The following CNTN5 variants were observed in gnomAD, a reference collection of about 807,000 sequenced individuals.
The protein encoded by CNTN5 is contactin-5.
In CNTN5, 77 loss-of-function variants were observed where a neutral mutation model predicts 129.1. That is an observed-to-expected ratio of 0.60 (90% CI 0.50 to 0.72). The LOEUF (loss-of-function observed/expected upper bound fraction) is 0.72. Among genes scored for constraint, CNTN5 ranks in the 30% least tolerant of loss-of-function variants. The pLI, the probability that CNTN5 is intolerant of heterozygous loss-of-function variation, is 0.00. For missense variants in CNTN5, 1,478 were observed against 1,328.8 expected, an observed-to-expected ratio of 1.11 and a Z score of -1.75; for synonymous variants, 509 against 465.6, an observed-to-expected ratio of 1.09 and a Z score of -1.20.
intron 2 of CNTN5, among the ~76,000 whole-genome samples, chr11:99,475,492 T>C (rs1338471710): frequency 6.6e-6 from 1 of 152,314 alleles, no homozygotes; most frequent in South Asian, 2.1e-4. Flanking sequence ...AATAAATAGC[T>C]GCAGAGTACT....
chr11:99,617,121 TAACAAA>T (rs67115890), intron 3 of CNTN5, among the ~76,000 whole-genome samples: 20,743 of 151,920 alleles, frequency 0.14, 1,461 homozygotes, highest in Non-Finnish European at 0.17. Context: ...AAACAAAACG[TAACAAA>T]AACAAAAACA....
At chr11:99,759,300 G>T (rs1409316310) in intron 3 of CNTN5, among the ~76,000 whole-genome samples, 8 of 151,984 alleles carry the variant, frequency 5.3e-5, no homozygotes, top group African/African-American at 1.9e-4. Flanking sequence ...AAATTCAGGT[G>T]ATAGATTTAC....
chr11:99,309,564 G>T (rs1865018879), intron 1 of CNTN5, among the ~76,000 whole-genome samples: 1 of 152,110 alleles, frequency 6.6e-6, no homozygotes, highest in African/African-American at 2.4e-5. Context: ...ATTGTCCAAG[G>T]ATCTAAGAAA....
intron 9 of CNTN5, among the ~76,000 whole-genome samples, chr11:100,045,006 C>T (rs142120995): frequency 1.3e-5 from 2 of 152,072 alleles, no homozygotes; most frequent in East Asian, 1.9e-4. Flanking sequence ...TTTTCTCAGG[C>T]CATCAAAATG....
intron 1 of CNTN5, among the ~76,000 whole-genome samples, chr11:99,299,381 A>G (rs115846670): frequency 0.011 from 1,672 of 152,318 alleles, 42 homozygotes; most frequent in African/African-American, 0.038. Flanking sequence ...TAAAAATTAT[A>G]AAGTTGGCAA....
At chr11:99,395,806 T>TC (rs1941491794) in intron 2 of CNTN5, among the ~76,000 whole-genome samples, 1 of 152,014 alleles carries the variant, frequency 6.6e-6, no homozygotes. Flanking sequence ...GGTAGTCTTT[T>TC]CCCCATTGCT....
At position 99,689,584 on chromosome 11, in the gene CNTN5, ATCTGTTACT is replaced by A. The variant is rs553289089; in HGVS notation, c.56-129958_56-129950del. ...CCTTTCTCTCCACAACCTCAGCAGC[ATCTGTTACT>A]TTTTTTTGACATTTTAATAATCACC... is the stretch of plus-strand genomic sequence containing the variant. On this transcript the variant is annotated intron_variant, in intron 3 of 24. Coordinates refer to ENST00000524871, the MANE Select transcript of CNTN5 (RefSeq NM_014361.4). Among the ~76,000 whole-genome samples, 291 of 148,880 alleles carry A rather than the reference ATCTGTTACT, an allele frequency of 2.0e-3. 1 individual carries two copies. The highest frequency in any genetic ancestry group is 6.5e-3 in the African/African-American group (267 of 40,772).
At chr11:99,974,530 C>G (rs1462568712) in intron 8 of CNTN5, among the ~76,000 whole-genome samples, 2 of 152,122 alleles carry the variant, frequency 1.3e-5, no homozygotes, top group Non-Finnish European at 2.9e-5. Context: ...TAGTTCCTGC[C>G]CAGTTTCATT....
At chr11:99,595,356 TAAAAAA>T (rs1950094483) in intron 3 of CNTN5, among the ~76,000 whole-genome samples, 3 of 151,994 alleles carry the variant, frequency 2.0e-5, no homozygotes. Flanking sequence ...AATTATATAT[TAAAAAA>T]TAAAATAAGG....
Position 100,002,084 on chromosome 11 carries a change from G to C in CNTN5, c.928G>C (p.Val310Leu). The C allele has an allele frequency of 1.3e-6, 2 of 1,598,310 alleles. No individual in the cohort carries two copies. The highest frequency in any genetic ancestry group is 1.7e-6 in the Non-Finnish European group (2 of 1,175,394). Reference protein sequence around the residue: ...PKIEVHFPFTVTAAKGTTVKM... With the variant: ...PKIEVHFPFTLTAAKGTTVKM... ...AATTGAGGTCCATTTTCCTTTCACG[G>C]TTACAGCTGCTAAAGGAACAACTGT... Residue 310 changes from valine to leucine, a missense_variant, in exon 9 of 25, where the codon GTT (valine) becomes CTT (leucine). Coordinates refer to ENST00000524871, the MANE Select transcript of CNTN5 (RefSeq NM_014361.4).
intron 3 of CNTN5, among the ~76,000 whole-genome samples, chr11:99,817,076 A>C (rs1946611518): frequency 6.6e-6 from 1 of 152,136 alleles, no homozygotes; most frequent in African/African-American, 2.4e-5. Flanking sequence ...ATTTACTTTT[A>C]TATCACATGA....
At chr11:99,972,801 C>T (rs1479741950) in intron 8 of CNTN5, among the ~76,000 whole-genome samples, 1 of 152,074 alleles carries the variant, frequency 6.6e-6, no homozygotes, top group African/African-American at 2.4e-5. Flanking sequence ...ATTGGAAGAA[C>T]GAGACCAGTT....
intron 24 of CNTN5, among the ~76,000 whole-genome samples, chr11:100,351,825 G>T (rs1029490551): frequency 3.3e-5 from 5 of 151,440 alleles, no homozygotes; most frequent in Non-Finnish European, 7.4e-5. Context: ...CTACAGGGAA[G>T]TGTCCCGTCA....
chr11:99,636,746 G>A (rs1355965285), intron 3 of CNTN5, among the ~76,000 whole-genome samples: 1 of 149,480 alleles, frequency 6.7e-6, no homozygotes, highest in Non-Finnish European at 1.5e-5. Flanking sequence ...TGGGCGCGGT[G>A]GCTCATACCT....
chr11:99,560,592 G>C (rs1386142966), intron 3 of CNTN5, among the ~76,000 whole-genome samples: 7 of 152,056 alleles, frequency 4.6e-5, no homozygotes, highest in Admixed American at 2.0e-4. Flanking sequence ...CGCCCAGCCT[G>C]TATTATTAAT....
intron 1 of CNTN5, among the ~76,000 whole-genome samples, chr11:99,251,102 G>C (rs897224845): frequency 1.6e-4 from 25 of 151,942 alleles, no homozygotes; most frequent in African/African-American, 5.8e-4. Flanking sequence ...TCTAGGGACA[G>C]AGTTATAGAT....
intron 1 of CNTN5, among the ~76,000 whole-genome samples, chr11:99,104,634 A>G (rs553394055): frequency 9.2e-6 from 1 of 108,268 alleles, no homozygotes; most frequent in Non-Finnish European, 1.8e-5. Context: ...ATATATACAC[A>G]CACACACGTG....
chr11:99,234,811 A>T (rs1458118479), intron 1 of CNTN5, among the ~76,000 whole-genome samples: 1 of 152,166 alleles, frequency 6.6e-6, no homozygotes, highest in Non-Finnish European at 1.5e-5. Flanking sequence ...TCACTTGGTA[A>T]ATAGACTCAA....
intron 13 of CNTN5, among the ~76,000 whole-genome samples, chr11:100,104,094 C>CT (rs1040980175): frequency 0.28 from 36,322 of 132,032 alleles, 5,388 homozygotes; most frequent in East Asian, 0.54. Flanking sequence ...GAAAACGTCA[C>CT]TTTTTTTTTT....
Sources: gnomAD v4.1 joint callset for allele counts (sites outside exome capture counted in the v4.1 genomes callset) on GRCh38, gnomAD v4.1.1 for gene constraint, MANE v1.5 for transcripts, NCBI Gene and HGNC (gene_info 2026-07-23, HGNC 2026-07-21) for gene names.